OTUD7A: variants seen among roughly 807,000 people sequenced by gnomAD.
The protein encoded by OTUD7A is OTU deubiquitinase 7A.
In OTUD7A, 12 loss-of-function variants were observed where a neutral mutation model predicts 65.7. That is an observed-to-expected ratio of 0.18 (90% CI 0.12 to 0.30). The LOEUF (loss-of-function observed/expected upper bound fraction) is 0.30. OTUD7A is among the 10% of genes least tolerant of loss of function. OTUD7A has a pLI of 1.00. For missense variants in OTUD7A, 1,148 were observed against 1,304.8 expected (o/e 0.88, Z 1.85); for synonymous variants, 641 against 586.3 (o/e 1.09, Z -1.35).
At chr15:31,539,556 A>G (rs1236341676) in intron 5 of OTUD7A, among the ~76,000 whole-genome samples, 2 of 152,234 alleles carry the variant, frequency 1.3e-5, no homozygotes, top group Non-Finnish European at 2.9e-5. Context: ...ACCAAATGTA[A>G]CGCATAAAGT....
At chr15:31,784,586 G>A (rs1895623103) in intron 1 of OTUD7A, among the ~76,000 whole-genome samples, 1 of 152,074 alleles carries the variant, frequency 6.6e-6, no homozygotes, top group African/African-American at 2.4e-5. Context: ...TTCCCATGCA[G>A]TAAATATTAA....
intron 1 of OTUD7A, chr15:31,766,368 C>T: frequency 6.3e-7 from 1 of 1,590,574 alleles, no homozygotes. Context: ...TAACAAACAA[C>T]ATAACTGTAG....
At chr15:31,599,945 A>C (rs561191782) in intron 3 of OTUD7A, among the ~76,000 whole-genome samples, 2 of 152,296 alleles carry the variant, frequency 1.3e-5, no homozygotes, top group Non-Finnish European at 2.9e-5. Context: ...TTAGAGAAAA[A>C]AGAATGAAAA....
chr15:31,784,803 T>C (rs1188860367), intron 1 of OTUD7A, among the ~76,000 whole-genome samples: 1 of 152,208 alleles, frequency 6.6e-6, no homozygotes, highest in African/African-American at 2.4e-5. Flanking sequence ...AATTAAAATT[T>C]ATTACTTTTT....
intron 5 of OTUD7A, chr15:31,558,313 C>T (rs1261681676): frequency 6.6e-6 from 1 of 152,472 alleles, no homozygotes. Flanking sequence ...TTAAACATTC[C>T]AAAGAAGAGA....
intron 1 of OTUD7A, among the ~76,000 whole-genome samples, chr15:31,685,238 T>C (rs143288365): frequency 1.3e-5 from 2 of 152,348 alleles, no homozygotes; most frequent in East Asian, 1.9e-4. Flanking sequence ...CTTATGACTT[T>C]TACTGCCTAG....
At chr15:31,674,910 C>T (rs774285792) in intron 1 of OTUD7A, among the ~76,000 whole-genome samples, 11 of 152,068 alleles carry the variant, frequency 7.2e-5, no homozygotes, top group African/African-American at 9.7e-5. Flanking sequence ...AAGCTATTTC[C>T]GATGGTATCA....
chr15:31,518,459 C>T (rs1448304575), intron 8 of OTUD7A, among the ~76,000 whole-genome samples: 1 of 150,486 alleles, frequency 6.6e-6, no homozygotes, highest in East Asian at 2.0e-4. Flanking sequence ...GGTGACAGAG[C>T]GAGACTCCAT....
intron 1 of OTUD7A, among the ~76,000 whole-genome samples, chr15:31,745,820 G>T (rs955602485): frequency 1.3e-5 from 2 of 152,012 alleles, no homozygotes; most frequent in African/African-American, 4.8e-5. Context: ...TATGATAAAA[G>T]TCCTATGGCA....
Position 31,850,793 on chromosome 15 carries a change from C to T in OTUD7A, c.-100+19714G>A, listed in dbSNP as rs149626411. On this transcript the variant is annotated intron_variant, in intron 1 of 12. Transcript: ENST00000307050. ...CAACCCAAGGAGTTAACATGCAAAG[C>T]GGCCCATGGTACTCTTGGAGGCCTG... is the stretch of plus-strand genomic sequence containing the variant. Among the ~76,000 whole-genome samples, 331 of 152,268 alleles carry T rather than the reference C, an allele frequency of 2.2e-3. 1 individual carries two copies. The highest frequency in any genetic ancestry group is 7.9e-3 in the African/African-American group (328 of 41,538).
intron 8 of OTUD7A, among the ~76,000 whole-genome samples, chr15:31,514,677 C>T (rs749975788): frequency 3.9e-5 from 6 of 152,256 alleles, no homozygotes; most frequent in Non-Finnish European, 7.3e-5. Flanking sequence ...GCTCCCCATC[C>T]GTGAGGTGGC....
intron 1 of OTUD7A, among the ~76,000 whole-genome samples, chr15:31,721,013 T>C (rs1595726511): frequency 6.6e-6 from 1 of 152,290 alleles, no homozygotes; most frequent in African/African-American, 2.4e-5. Flanking sequence ...TACAGGTTTG[T>C]AGCTTGGGAG....
intron 3 of OTUD7A, among the ~76,000 whole-genome samples, chr15:31,611,987 C>T (rs868660003): frequency 5.3e-5 from 8 of 152,116 alleles, no homozygotes; most frequent in Middle Eastern, 6.8e-3. Flanking sequence ...AATGCAGAAA[C>T]GATTTAACAT....
chr15:31,489,618 A>G (rs1430486758), intron 10 of OTUD7A, among the ~76,000 whole-genome samples: 2 of 151,900 alleles, frequency 1.3e-5, no homozygotes, highest in Non-Finnish European at 2.9e-5. Context: ...CTCCCCTTCC[A>G]TGGTGCCTGC....
chr15:31,688,545 G>A (rs1369210706), intron 1 of OTUD7A, among the ~76,000 whole-genome samples: 1 of 152,054 alleles, frequency 6.6e-6, no homozygotes, highest in Non-Finnish European at 1.5e-5. Context: ...AAACAGCTAT[G>A]ATGAATATTT....
chr15:31,485,930 C>A (rs1207753044), intron 12 of OTUD7A, among the ~76,000 whole-genome samples: 1 of 152,200 alleles, frequency 6.6e-6, no homozygotes, highest in Non-Finnish European at 1.5e-5. Context: ...TTCCCCTTCC[C>A]ACCTGGGATA....
chr15:31,724,142 T>C (rs1469530130), intron 1 of OTUD7A, among the ~76,000 whole-genome samples: 1 of 152,072 alleles, frequency 6.6e-6, no homozygotes, highest in African/African-American at 2.4e-5. Context: ...TTCTTATTGA[T>C]CTGAGGCACT....
intron 1 of OTUD7A, among the ~76,000 whole-genome samples, chr15:31,743,149 A>AT (rs140784270): frequency 0.014 from 2,138 of 152,208 alleles, 59 homozygotes; most frequent in African/African-American, 0.05. Context: ...GTAAAATATA[A>AT]TTTTTTTCAA....
At chr15:31,520,491 AAATT>A (rs1176895550) in intron 8 of OTUD7A, among the ~76,000 whole-genome samples, 1 of 152,230 alleles carries the variant, frequency 6.6e-6, no homozygotes, top group Non-Finnish European at 1.5e-5. Flanking sequence ...CCATATATAA[AAATT>A]AACTCAAAAT....
Sources: gnomAD v4.1 joint callset for allele counts (sites outside exome capture counted in the v4.1 genomes callset) on GRCh38, gnomAD v4.1.1 for gene constraint, MANE v1.5 for transcripts, NCBI Gene and HGNC (gene_info 2026-07-23, HGNC 2026-07-21) for gene names.